The following ARHGEF7 variants were observed in gnomAD, a reference collection of about 807,000 sequenced individuals.
The protein encoded by ARHGEF7 is Rho guanine nucleotide exchange factor 7.
In ARHGEF7, 33 loss-of-function variants were observed where a neutral mutation model predicts 109.8. That is an observed-to-expected ratio of 0.30 (90% CI 0.23 to 0.40). The LOEUF is 0.40. ARHGEF7 is among the 10% of genes least tolerant of loss of function. The probability of loss-of-function intolerance (pLI) is 1.00; values close to 1 mark genes in which losing one functional copy is unlikely to be tolerated. For missense variants in ARHGEF7, 938 were observed against 1,098.5 expected (o/e 0.85, Z 2.07); for synonymous variants, 458 against 424.6 (o/e 1.08, Z -0.97).
intron 4 of ARHGEF7, among the ~76,000 whole-genome samples, chr13:111,215,399 G>A (rs930389005): frequency 9.9e-5 from 15 of 151,648 alleles, no homozygotes; most frequent in Non-Finnish European, 1.8e-4. Flanking sequence ...TTAATTTGGG[G>A]TGATATCAAT....
chr13:111,204,776 TC>T (rs1472889680), intron 2 of ARHGEF7, among the ~76,000 whole-genome samples: 1 of 152,182 alleles, frequency 6.6e-6, no homozygotes, highest in African/African-American at 2.4e-5. Flanking sequence ...GGGATCTGCT[TC>T]TCCTGTCTGT....
intron 3 of ARHGEF7, among the ~76,000 whole-genome samples, chr13:111,205,688 C>G (rs560406109): frequency 3.3e-5 from 5 of 152,070 alleles, no homozygotes; most frequent in African/African-American, 1.2e-4. Flanking sequence ...GCTAGAAGCA[C>G]CTTTCTCTCA....
intron 8 of ARHGEF7, chr13:111,265,655 T>C (rs1037172779): frequency 2.2e-6 from 1 of 456,578 alleles, no homozygotes; most frequent in Non-Finnish European, 4.4e-6. Flanking sequence ...GGTCTGAATG[T>C]GTTTCCCCAG....
At chr13:111,299,781 A>G (rs1398718714) in intron 19 of ARHGEF7, among the ~76,000 whole-genome samples, 1 of 152,188 alleles carries the variant, frequency 6.6e-6, no homozygotes, top group African/African-American at 2.4e-5. Context: ...GCCAGAAGAA[A>G]GACCCAGCAA....
At chr13:111,147,278 T>G (rs2075645444) in intron 1 of ARHGEF7, among the ~76,000 whole-genome samples, 1 of 152,224 alleles carries the variant, frequency 6.6e-6, no homozygotes, top group African/African-American at 2.4e-5. Context: ...CGGCCAGTTT[T>G]CTAAGCATAC....
chr13:111,159,198 T>C (rs916829564), intron 2 of ARHGEF7: 10 of 648,580 alleles, frequency 1.5e-5, no homozygotes, highest in East Asian at 1.1e-4. Flanking sequence ...TTCATTGTTG[T>C]TGCAAATAAC....
intron 1 of ARHGEF7, among the ~76,000 whole-genome samples, chr13:111,153,493 G>C (rs1366854635): frequency 6.6e-6 from 1 of 152,158 alleles, no homozygotes; most frequent in Admixed American, 6.5e-5. Flanking sequence ...GGGCCAACCG[G>C]TGGGCTCCCT....
chr13:111,175,831 AC>A (rs1243644110), intron 2 of ARHGEF7, among the ~76,000 whole-genome samples: 1 of 152,204 alleles, frequency 6.6e-6, no homozygotes, highest in Non-Finnish European at 1.5e-5. Context: ...TAATTTACTC[AC>A]AGTTAACACA....
At chr13:111,223,518 A>G (rs2153509045) in intron 5 of ARHGEF7, among the ~76,000 whole-genome samples, 1 of 152,346 alleles carries the variant, frequency 6.6e-6, no homozygotes. Context: ...TAAATTGACC[A>G]GATGGTCCAA....
intron 1 of ARHGEF7, chr13:111,116,313 T>G (rs1406806278): frequency 6.6e-6 from 1 of 152,562 alleles, no homozygotes; most frequent in Non-Finnish European, 1.5e-5. Flanking sequence ...AAATTCTAGA[T>G]TTCGTTCTCA....
chr13:111,303,226 C>T lies in ARHGEF7; in HGVS notation c.*113C>T, dbSNP rs1393792963. 1 of 984,430 alleles carries T rather than the reference C, an allele frequency of 1.0e-6. No individual in the cohort carries two copies. The highest frequency in any genetic ancestry group is 1.7e-5 in the African/African-American group (1 of 60,582). 61.0% of individuals were successfully genotyped at this position (984,430 alleles called of 1,614,324 possible). A position where few individuals can be genotyped will look rare whatever the true frequency, so the allele number is the denominator to read the frequency against. On this transcript the variant is annotated 3_prime_UTR_variant, in exon 22 of 22. Transcript: ENST00000646102. ...AGGGCAGGGCTGGGTGGGGCGCCAC[C>T]TTGCTCTCTGTATATAGAAAAGCTG...
intron 19 of ARHGEF7, among the ~76,000 whole-genome samples, chr13:111,296,317 T>C (rs564729997): frequency 5.5e-4 from 84 of 152,208 alleles, no homozygotes; most frequent in Non-Finnish European, 9.6e-4. Context: ...TTAACACACA[T>C]GTGTACCAGC....
intron 1 of ARHGEF7, among the ~76,000 whole-genome samples, chr13:111,124,702 T>C (rs530535301): frequency 2.5e-4 from 38 of 152,334 alleles, no homozygotes; most frequent in African/African-American, 8.4e-4. Context: ...CCACCCATCC[T>C]CCGTCTGCTC....
chr13:111,224,717 T>A (rs1212026909), intron 5 of ARHGEF7, among the ~76,000 whole-genome samples: 2 of 152,228 alleles, frequency 1.3e-5, no homozygotes, highest in Non-Finnish European at 2.9e-5. Context: ...GAATTTTGGA[T>A]GTCGTTATTA....
chr13:111,250,307 G>A (rs2089571806), intron 8 of ARHGEF7, among the ~76,000 whole-genome samples: 1 of 152,196 alleles, frequency 6.6e-6, no homozygotes, highest in Non-Finnish European at 1.5e-5. Context: ...AGCTTTCTCA[G>A]GTATGCGTGC....
At chr13:111,269,609 C>T (rs2091967385) in intron 9 of ARHGEF7, among the ~76,000 whole-genome samples, 1 of 152,126 alleles carries the variant, frequency 6.6e-6, no homozygotes, top group African/African-American at 2.4e-5. Context: ...AGTGGAGGGG[C>T]AGGCTGAGGC....
chr13:111,199,161 G>C (rs1382557782), intron 2 of ARHGEF7, among the ~76,000 whole-genome samples: 1 of 152,206 alleles, frequency 6.6e-6, no homozygotes, highest in South Asian at 2.1e-4. Flanking sequence ...GCCCCTGCCT[G>C]TAGGAAGCTG....
chr13:111,147,996 C>T (rs935524083), intron 1 of ARHGEF7, among the ~76,000 whole-genome samples: 11 of 152,136 alleles, frequency 7.2e-5, no homozygotes, highest in African/African-American at 1.7e-4. Flanking sequence ...CGTGCCCAGC[C>T]GAGGTCACCT....
intron 8 of ARHGEF7, among the ~76,000 whole-genome samples, chr13:111,251,738 C>T (rs913006586): frequency 2.0e-5 from 3 of 152,208 alleles, no homozygotes; most frequent in African/African-American, 7.2e-5. Context: ...AGCGTCTTCT[C>T]CCAGAACCAC....
Sources: gnomAD v4.1 joint callset for allele counts (sites outside exome capture counted in the v4.1 genomes callset) on GRCh38, gnomAD v4.1.1 for gene constraint, MANE v1.5 for transcripts, NCBI Gene and HGNC (gene_info 2026-07-23, HGNC 2026-07-21) for gene names.